The following RBM34 variants were observed in gnomAD, a reference collection of about 807,000 sequenced individuals.
RBM34 encodes RNA-binding protein 34.
RBM34 carries 39 observed loss-of-function variants against 44.6 expected under a neutral mutation model. The ratio of observed to expected loss-of-function variants is 0.87; its 90% CI spans 0.68 to 1.14. RBM34 has a LOEUF of 1.14. Ranked by LOEUF, RBM34 falls within the 50% of genes most tolerant of loss-of-function variation. The pLI is 0.00. For synonymous variants in RBM34, 194 were observed against 184.0 expected, an observed-to-expected ratio of 1.05 and a Z score of -0.44; for missense variants, 572 against 517.9, an observed-to-expected ratio of 1.10 and a Z score of -1.01.
intron 10 of RBM34, among the ~76,000 whole-genome samples, chr1:235,135,073 C>T (rs1661362102): frequency 1.5e-5 from 2 of 137,818 alleles, no homozygotes; most frequent in Admixed American, 7.2e-5. Context: ...GAAACGGAGT[C>T]TTGCTCTGTC....
chr1:235,141,861 G>A (rs1039774040), intron 6 of RBM34, among the ~76,000 whole-genome samples: 1 of 152,080 alleles, frequency 6.6e-6, no homozygotes, highest in Non-Finnish European at 1.5e-5. Flanking sequence ...GAACAAATCC[G>A]AACATCAGAA....
chr1:235,131,922 A>G lies in RBM34; in HGVS notation c.1084T>C (p.Ser362Pro). 6.2e-7 allele frequency: 1 copy of G among 1,613,346 alleles called. No individual in the cohort carries two copies. The highest frequency in any genetic ancestry group is 1.3e-5 in the African/African-American group (1 of 75,014). ...LMGRKLRVMRSVNKEKFKQQN... is the reference protein window; with the variant it reads ...LMGRKLRVMRPVNKEKFKQQN... ...TGTTTAAATTTTTCTTTATTAACAG[A>G]ACGCATGACTCTGAGTTTTCTCCCC... Residue 362 changes from serine to proline, a missense_variant, in exon 11 of 11, where the codon TCT becomes CCT. Transcript: ENST00000408888.
rs757234178 is a variant in RBM34 at position 235,148,374 on chromosome 1, G to A, written c.701+30C>T. The A allele has an allele frequency of 3.3e-6, 5 of 1,534,572 alleles. No individual in the cohort carries two copies. The South Asian group carries it at 4.9e-5, about 15-fold the overall frequency. On this transcript the variant is annotated intron_variant, in intron 6 of 10. Coordinates refer to ENST00000408888, the MANE Select transcript of RBM34 (RefSeq NM_015014.4). ...TAGCCAAAAAGGAAGAAAGTTTAAG[G>A]TGACTCCCTTTCTCTAATTATAAAC...
In RBM34 at chr1:235,152,638, A is replaced by G. The variant is rs781599859; in HGVS notation, c.657+68T>C. ...GTGCTTCACCATCTCACTAACAGCA[A>G]TAAGTTCATCTGATTTAAATGCAAT... On this transcript the variant is annotated intron_variant, in intron 5 of 10. Coordinates refer to ENST00000408888, the MANE Select transcript of RBM34 (RefSeq NM_015014.4). The G allele has an allele frequency of 1.8e-5, 28 of 1,571,496 alleles. No homozygotes were observed. In the East Asian group the frequency reaches 2.9e-4, roughly 17 times the overall value.
chr1:235,149,849 TA>T (rs1363964724), intron 5 of RBM34, among the ~76,000 whole-genome samples: 3 of 152,214 alleles, frequency 2.0e-5, no homozygotes, highest in Non-Finnish European at 4.4e-5. Context: ...TCTTTCTCAG[TA>T]ACCTGATAGT....
chr1:235,135,105 T>C (rs1228705515), intron 10 of RBM34, among the ~76,000 whole-genome samples: 4,286 of 118,666 alleles, frequency 0.036, 72 homozygotes, highest in Middle Eastern at 0.057. Flanking sequence ...AGTGCAGTGG[T>C]GTGATCTCGG....
At chr1:235,139,004 T>C (rs1468551547) in intron 6 of RBM34, among the ~76,000 whole-genome samples, 2 of 152,196 alleles carry the variant, frequency 1.3e-5, no homozygotes. Flanking sequence ...TCGCGACTGC[T>C]GGTGGGTGTT....
At chr1:235,144,002 C>T (rs1000012324) in intron 6 of RBM34, among the ~76,000 whole-genome samples, 2 of 152,044 alleles carry the variant, frequency 1.3e-5, no homozygotes, top group African/African-American at 4.8e-5. Context: ...ATTAGTGACA[C>T]CTTGGCTCTA....
intron 4 of RBM34, among the ~76,000 whole-genome samples, chr1:235,153,953 G>A (rs999428218): frequency 2.0e-5 from 3 of 152,070 alleles, no homozygotes; most frequent in Admixed American, 2.0e-4. Flanking sequence ...CAGGTGTCAA[G>A]AGACAGAACG....
intron 6 of RBM34, among the ~76,000 whole-genome samples, chr1:235,140,652 C>G (rs750882002): frequency 6.6e-6 from 1 of 152,238 alleles, no homozygotes; most frequent in South Asian, 2.1e-4. Flanking sequence ...CCAGTCCCAT[C>G]GACCACCAAA....
In RBM34 at chr1:235,131,590, T is replaced by G. The variant is rs918378018; in HGVS notation, c.*123A>C. 5.2e-5 allele frequency: 57 copies of G among 1,094,404 alleles called. No homozygotes were observed. Among genetic ancestry groups the G allele is most frequent in the Non-Finnish European group, 5.6e-5 (43 of 768,186 alleles). 67.8% of individuals were successfully genotyped at this position (1,094,404 alleles called of 1,614,324 possible). ...CTGAGAATGTGGAAGTCTCCACATTTCACATACACCATCCATAAAGAAGTA... is the reference window on the plus strand; with the variant it reads ...CTGAGAATGTGGAAGTCTCCACATTGCACATACACCATCCATAAAGAAGTA... On this transcript the variant is annotated 3_prime_UTR_variant, in exon 11 of 11. Coordinates refer to ENST00000408888, the MANE Select transcript of RBM34 (RefSeq NM_015014.4).
intron 6 of RBM34, among the ~76,000 whole-genome samples, chr1:235,142,358 A>T (rs968172798): frequency 6.6e-6 from 1 of 152,106 alleles, no homozygotes; most frequent in Admixed American, 6.5e-5. Flanking sequence ...GGCTCACTGC[A>T]ACCTCTAACT....
rs1252562505 is a variant in RBM34 at position 235,160,605 on chromosome 1, T to G, written c.271A>C (p.Thr91Pro). 1 of 1,613,888 alleles carries G rather than the reference T, an allele frequency of 6.2e-7. No individual in the cohort carries two copies. The highest frequency in any genetic ancestry group is 8.5e-7 in the Non-Finnish European group (1 of 1,179,922). ...KTKRNEEEESTSQIERPLSQE... is the reference protein window; with the variant it reads ...KTKRNEEEESPSQIERPLSQE... The stretch of plus-strand genomic sequence containing the variant: ...GAAAGTGGTCTTTCAATCTGGGATG[T>G]ACTTTCTTCCTCCTCATTCCGTTTC... The change falls in exon 3 of 11, where the codon ACA becomes CCA. Residue 91 changes from threonine (T) to proline (P), a missense_variant. Physicochemically the swap from Thr to Pro is conservative, Grantham distance 38. Transcript: ENST00000408888.
intron 3 of RBM34, among the ~76,000 whole-genome samples, chr1:235,159,479 C>T (rs1381229125): frequency 2.0e-5 from 3 of 149,146 alleles, no homozygotes; most frequent in South Asian, 4.2e-4. Context: ...ACCCAGGAGG[C>T]GGAGGTTGCA....
intron 3 of RBM34, among the ~76,000 whole-genome samples, chr1:235,159,305 A>C (rs961511805): frequency 6.6e-5 from 10 of 151,952 alleles, no homozygotes; most frequent in African/African-American, 9.7e-5. Flanking sequence ...TAATCCCAGC[A>C]CCTTGGGAGG....
At chr1:235,141,521 G>C (rs897682062) in intron 6 of RBM34, among the ~76,000 whole-genome samples, 33 of 152,284 alleles carry the variant, frequency 2.2e-4, no homozygotes, top group African/African-American at 7.5e-4. Context: ...GATGTGGGTG[G>C]GGCCAGATAA....
chr1:235,133,337 T>C (rs547963848), intron 10 of RBM34, among the ~76,000 whole-genome samples: 4 of 152,112 alleles, frequency 2.6e-5, no homozygotes, highest in Admixed American at 1.3e-4. Context: ...TGAGACTCTG[T>C]CTCAAAAACA....
chr1:235,151,096 T>C (rs933930238), intron 5 of RBM34, among the ~76,000 whole-genome samples: 7 of 152,138 alleles, frequency 4.6e-5, no homozygotes, highest in Admixed American at 2.6e-4. Context: ...CTGCGACTAT[T>C]CTGACAGGAG....
At chr1:235,144,975 G>A (rs116776389) in intron 6 of RBM34, among the ~76,000 whole-genome samples, 9 of 152,180 alleles carry the variant, frequency 5.9e-5, no homozygotes, top group African/African-American at 1.9e-4. Context: ...CCAGGGAGGC[G>A]GAGATTACGG....
Sources: allele counts gnomAD v4.1 joint callset (sites outside exome capture counted in the v4.1 genomes callset), GRCh38; gene constraint gnomAD v4.1.1; transcripts MANE v1.5; gene names NCBI Gene and HGNC (gene_info 2026-07-23, HGNC 2026-07-21).